Variants in ATP2A3 observed in about 807,000 individuals in gnomAD.
The protein encoded by ATP2A3 is sarcoplasmic/endoplasmic reticulum calcium ATPase 3.
In ATP2A3, 61 loss-of-function variants were observed where a neutral mutation model predicts 106.8. That is an observed-to-expected ratio of 0.57 (90% CI 0.46 to 0.71). ATP2A3 has a LOEUF of 0.71. Ranked by LOEUF, ATP2A3 falls within the 30% of genes least tolerant of loss-of-function variation. ATP2A3 has a pLI of 0.00. For synonymous variants in ATP2A3, 611 were observed against 609.3 expected (o/e 1.00, Z -0.04); for missense variants, 1,201 against 1,423.5 (o/e 0.84, Z 2.52).
In ATP2A3 at chr17:3,936,721, T is replaced by TACACACACAC. The variant is rs57648128; in HGVS notation, c.2322-262_2322-253dup. ...CTCTTTAGGCCTAGCAGAGGCCAAG[T>TACACACACAC]ACACACACACACACACACACACACA... On this transcript the variant is annotated intron_variant, in intron 15 of 20. Coordinates refer to ENST00000397041, the MANE Select transcript of ATP2A3 (RefSeq NM_005173.4). The surrounding 1 kb of genome is among the most constrained non-coding windows in gnomAD (Gnocchi z 5.4). 2.9e-5 allele frequency: 12 copies of TACACACACAC among 408,356 alleles called. No homozygotes were observed. The highest frequency in any genetic ancestry group is 2.3e-4 in the African/African-American group (11 of 47,298). 25.3% of individuals were successfully genotyped at this position (408,356 alleles called of 1,614,324 possible).
intron 12 of ATP2A3, among the ~76,000 whole-genome samples, chr17:3,941,896 C>T (rs1426587284): frequency 2.0e-5 from 3 of 152,178 alleles, no homozygotes; most frequent in Admixed American, 1.3e-4. Context: ...ACCAACCTAG[C>T]GATGCCCTTC....
At chr17:3,935,144 C>A (rs1281304125) in intron 17 of ATP2A3, 48 bp downstream of exon 17, 3 of 1,598,250 alleles carry the variant, frequency 1.9e-6, no homozygotes, top group Non-Finnish European at 1.7e-6. Flanking sequence ...GGAACTCCAA[C>A]AACTCGAGCT....
intron 20 of ATP2A3, chr17:3,927,258 C>G (rs2052759096): frequency 1.0e-6 from 1 of 985,386 alleles, no homozygotes; most frequent in African/African-American, 1.7e-5. Flanking sequence ...TGAAAGGCAT[C>G]TGAGACACAG....
chr17:3,953,590 C>G lies in ATP2A3; in HGVS notation c.136+103G>C. 1 of 1,519,756 alleles carries G rather than the reference C, an allele frequency of 6.6e-7. No individual in the cohort carries two copies. The highest frequency in any genetic ancestry group is 9.0e-7 in the Non-Finnish European group (1 of 1,116,128). 94.1% of individuals were successfully genotyped at this position (1,519,756 alleles called of 1,614,324 possible). On this transcript the variant is annotated intron_variant, in intron 2 of 20. Transcript: ENST00000397041. This position sits in a 1 kb window ranked among gnomAD's most constrained non-coding sequence, Gnocchi z 5.1. ...CTCAGGTGGGTGATCCTGGGGAGCT[C>G]AGCAAGGCCTCACTCAGCGGGGAGA...
intron 11 of ATP2A3, among the ~76,000 whole-genome samples, chr17:3,943,132 TG>T (rs1597620145): frequency 1.3e-5 from 2 of 152,020 alleles, no homozygotes; most frequent in East Asian, 3.9e-4. Context: ...TACTAAAAAA[TG>T]CAAAAATTAG....
At chr17:3,945,029 C>T (rs780691556) in intron 9 of ATP2A3, 31 bp downstream of exon 9, 165 of 1,479,878 alleles carry the variant, frequency 1.1e-4, no homozygotes, top group Non-Finnish European at 1.4e-4. Flanking sequence ...CCCAGGCCGC[C>T]CGCCCGCGCG....
chr17:3,925,569 TC>T lies in ATP2A3; in HGVS notation c.2981-129del. ...CCCAGGCTCCCAAGGCCTCCCTTAG[TC>T]CAGACCTCAGTCTACCCCAGCCCCA... On this transcript the variant is annotated intron_variant, in intron 20 of 20. Coordinates refer to ENST00000397041, the MANE Select transcript of ATP2A3 (RefSeq NM_005173.4). The surrounding 1 kb of genome is among the most constrained non-coding windows in gnomAD (Gnocchi z 4.2). The T allele has an allele frequency of 8.3e-7, 1 of 1,211,560 alleles. No individual in the cohort carries two copies. The highest frequency in any genetic ancestry group is 1.2e-6 in the Non-Finnish European group (1 of 850,888). 75.1% of individuals were successfully genotyped at this position (1,211,560 alleles called of 1,614,324 possible).
rs141731844 is a variant in ATP2A3, at chr17:3,947,956, C to T, written c.631-101G>A. 1.2e-3 allele frequency: 1,496 copies of T among 1,209,996 alleles called. 11 individuals carry two copies. In the African/African-American group the frequency reaches 0.016, roughly 13 times the overall value. The allele number at this position is 1,209,996 out of a possible 1,614,324, so 75.0% of individuals were successfully genotyped here. Reference sequence around the variant, plus strand: ...GGAATAAGGCACTTATCCTTCTACCCGGCTTTCCTTTTCTCCATGTTGCTA... The same window carrying T: ...GGAATAAGGCACTTATCCTTCTACCTGGCTTTCCTTTTCTCCATGTTGCTA... On this transcript the variant is annotated intron_variant, in intron 7 of 20. Coordinates refer to ENST00000397041, the MANE Select transcript of ATP2A3 (RefSeq NM_005173.4). The surrounding 1 kb of genome is among the most constrained non-coding windows in gnomAD (Gnocchi z 7.7).
In ATP2A3 at chr17:3,947,979, C is replaced by T. The variant is rs369985915; in HGVS notation, c.631-124G>A. 31 of 950,284 alleles carry T rather than the reference C, an allele frequency of 3.3e-5. No homozygotes were observed. In the African/African-American group the frequency reaches 3.8e-4, roughly 12 times the overall value. 58.9% of individuals were successfully genotyped at this position (950,284 alleles called of 1,614,324 possible). A position where few individuals can be genotyped will look rare whatever the true frequency, so the allele number is the denominator to read the frequency against. ...CCCGGCTTTCCTTTTCTCCATGTTG[C>T]TAGTGCTTCCAGACTCCTGTAGCTA... is the stretch of plus-strand genomic sequence containing the variant. On this transcript the variant is annotated intron_variant, in intron 7 of 20. Coordinates refer to ENST00000397041, the MANE Select transcript of ATP2A3 (RefSeq NM_005173.4). The surrounding 1 kb of genome is among the most constrained non-coding windows in gnomAD (Gnocchi z 7.7).
intron 4 of ATP2A3, 35 bp downstream of exon 4, chr17:3,951,546 G>GCCCCCCCCCCCGGGGCCCC: frequency 7.6e-7 from 1 of 1,319,570 alleles, no homozygotes; most frequent in Non-Finnish European, 1.0e-6. Context: ...CTGGGAGACC[G>GCCCCCCCCCCCGGGGCCCC]CCCCCCGCCC....
intron 1 of ATP2A3, among the ~76,000 whole-genome samples, chr17:3,958,341 G>A (rs1335097380): frequency 1.3e-5 from 2 of 152,150 alleles, no homozygotes; most frequent in Admixed American, 6.5e-5. Context: ...TTCGTTAAGC[G>A]CAGCGTCTCC....
Position 3,958,879 on chromosome 17 carries a change from C to CATATATAAATATATATATATATATATAT in ATP2A3, c.119-5170_119-5169insATATATATATATATATATATTTATATAT, listed in dbSNP as rs1567727073. ...ATATATATATATATATACACACACA[C>CATATATAAATATATATATATATATATAT]ACACACACATATATATATATTGTTT... On this transcript the variant is annotated intron_variant, in intron 1 of 20. Coordinates refer to ENST00000397041, the MANE Select transcript of ATP2A3 (RefSeq NM_005173.4). Among the ~76,000 whole-genome samples, 2 of 112,786 alleles carry CATATATAAATATATATATATATATATAT rather than the reference C, an allele frequency of 1.8e-5. 1 individual carries two copies. Among genetic ancestry groups the CATATATAAATATATATATATATATATAT allele is most frequent in the East Asian group, 4.5e-4 (2 of 4,424 alleles). 74.0% of individuals were successfully genotyped at this position (112,786 alleles called of 152,430 possible). A position where few individuals can be genotyped will look rare whatever the true frequency, so the allele number is the denominator to read the frequency against.
At chr17:3,950,953 G>C (rs140440621) in intron 5 of ATP2A3, among the ~76,000 whole-genome samples, 180 bp from the exon 6 acceptor site, 1 of 152,056 alleles carries the variant, frequency 6.6e-6, no homozygotes, top group Admixed American at 6.6e-5. Context: ...TTTGGCCAAA[G>C]GGCTTTGGAG....
chr17:3,941,625 A>C lies in ATP2A3; in HGVS notation c.1575T>G (p.Cys525Trp). ...TGCGGCTCCCCACGCGGACTGAGCT[A>C]CAGCGCTCGATCACACTCTCAGGAG... ...KGAPESVIER[C>W]SSVRVGSRTA... Residue 525 changes from cysteine (C) to tryptophan (W), a missense_variant, in exon 13 of 21, where the codon TGT becomes TGG. This residue lies in a region of ATP2A3 where 935 missense variants were observed against 1,176.7 expected (regional missense o/e 0.79). Coordinates refer to ENST00000397041, the MANE Select transcript of ATP2A3 (RefSeq NM_005173.4). 1 of 1,609,978 alleles carries C rather than the reference A, an allele frequency of 6.2e-7. No individual in the cohort carries two copies.
Position 3,925,308 on chromosome 17 carries a change from C to T in ATP2A3, c.*114G>A, listed in dbSNP as rs957920884. 29 of 1,577,228 alleles carry T rather than the reference C, an allele frequency of 1.8e-5. No homozygotes were observed. In the East Asian group the frequency reaches 4.3e-4, roughly 23 times the overall value. ...GACCTCGGGCCTGTCATTTATCCGG[C>T]GGGACCCGGTGGGCAAGTGGGCGAG... On this transcript the variant is annotated 3_prime_UTR_variant, in exon 21 of 21. Transcript: ENST00000397041. The surrounding 1 kb of genome is among the most constrained non-coding windows in gnomAD (Gnocchi z 4.2).
intron 14 of ATP2A3, 124 bp from the exon 15 acceptor site, chr17:3,937,760 C>A (rs2053533693): frequency 1.0e-6 from 1 of 998,900 alleles, no homozygotes. Context: ...TTAGACAGAA[C>A]AAATGGTGGG....
rs1174008086 is a variant in ATP2A3 at position 3,940,031 on chromosome 17, C to CTTT, written c.2100+937_2100+939dup. Reference sequence around the variant, plus strand: ...ATGGGTTGATGGTAATGTGTCATATCTTTTTTTTTTTGTTTTTTGTTTTTT... The same window carrying CTTT: ...ATGGGTTGATGGTAATGTGTCATATCTTTTTTTTTTTTTTGTTTTTTGTTTTTT... On this transcript the variant is annotated intron_variant, in intron 14 of 20. Transcript: ENST00000397041. Among the ~76,000 whole-genome samples, 56 of 96,524 alleles carry CTTT rather than the reference C, an allele frequency of 5.8e-4. 5 individuals carry two copies. Among genetic ancestry groups the CTTT allele is most frequent in the African/African-American group, 2.2e-3 (46 of 21,118 alleles). 63.3% of individuals were successfully genotyped at this position (96,524 alleles called of 152,430 possible).
At position 3,943,626 on chromosome 17, in the gene ATP2A3, C is replaced by T. The variant is rs936922201; in HGVS notation, c.1288-104G>A. 2.1e-5 allele frequency: 33 copies of T among 1,563,162 alleles called. No homozygotes were observed. The African/African-American group carries it at 2.2e-4, about 10-fold the overall frequency. On this transcript the variant is annotated intron_variant, in intron 10 of 20. Coordinates refer to ENST00000397041, the MANE Select transcript of ATP2A3 (RefSeq NM_005173.4). ...CCTGCAGCTGCCTTTGCTGGAGTTCCGTGTAACCTCCTTTGCACCGGCCCG... is the reference window on the plus strand; with the variant it reads ...CCTGCAGCTGCCTTTGCTGGAGTTCTGTGTAACCTCCTTTGCACCGGCCCG...
At position 3,928,483 on chromosome 17, in the gene ATP2A3, C is replaced by T. The variant is rs564791675; in HGVS notation, c.2980+180G>A. 18 of 958,752 alleles carry T rather than the reference C, an allele frequency of 1.9e-5. No homozygotes were observed. The highest frequency in any genetic ancestry group is 1.3e-4 in the South Asian group (9 of 70,852). The allele number at this position is 958,752 out of a possible 1,614,324, so 59.4% of individuals were successfully genotyped here. A position where few individuals can be genotyped will look rare whatever the true frequency, so the allele number is the denominator to read the frequency against. Reference sequence around the variant, plus strand: ...AGGTCCCCTGCAGTGCAAGACCCTGCGGACACCTTGGGACCCAGCCACCAG... The same window carrying T: ...AGGTCCCCTGCAGTGCAAGACCCTGTGGACACCTTGGGACCCAGCCACCAG... On this transcript the variant is annotated intron_variant, in intron 20 of 20. Coordinates refer to ENST00000397041, the MANE Select transcript of ATP2A3 (RefSeq NM_005173.4). This position sits in a 1 kb window ranked among gnomAD's most constrained non-coding sequence, Gnocchi z 6.1.
Sources: gnomAD v4.1 joint callset for allele counts (sites outside exome capture counted in the v4.1 genomes callset) on GRCh38, gnomAD v4.1.1 for gene constraint, gnomAD v4.1.1 regional missense constraint, Gnocchi (gnomAD v3.1) non-coding constraint, MANE v1.5 for transcripts, NCBI Gene and HGNC (gene_info 2026-07-23, HGNC 2026-07-21) for gene names.